CCND3: variants seen among roughly 807,000 people sequenced by gnomAD.
CCND3 encodes the protein G1/S-specific cyclin-D3.
In CCND3, 9 loss-of-function variants were observed where a neutral mutation model predicts 28.7. The ratio of observed to expected loss-of-function variants is 0.31; its 90% CI spans 0.19 to 0.55. CCND3 has a LOEUF of 0.55. CCND3 is among the 20% of genes least tolerant of loss of function. The probability of loss-of-function intolerance (pLI) is 0.93; values close to 1 mark genes in which losing one functional copy is unlikely to be tolerated. For synonymous variants in CCND3, 164 were observed against 163.9 expected, an observed-to-expected ratio of 1.00 and a Z score of 0.00; for missense variants, 315 against 385.8, an observed-to-expected ratio of 0.82 and a Z score of 1.54.
intron 1 of CCND3, among the ~76,000 whole-genome samples, chr6:41,995,912 A>G (rs1185952910): frequency 1.3e-5 from 2 of 151,656 alleles, no homozygotes; most frequent in Non-Finnish European, 2.9e-5. Flanking sequence ...AATACTAAAA[A>G]TTTTAAGTTA....
chr6:42,009,130 G>C (rs1452110960), intron 1 of CCND3, among the ~76,000 whole-genome samples: 1 of 152,186 alleles, frequency 6.6e-6, no homozygotes, highest in East Asian at 1.9e-4. Flanking sequence ...CAACTTCCTT[G>C]AGTGGACTGC....
chr6:42,041,418 C>G (rs1764369591), intron 1 of CCND3, among the ~76,000 whole-genome samples: 1 of 152,194 alleles, frequency 6.6e-6, no homozygotes, highest in African/African-American at 2.4e-5. Context: ...GAAGAGAAGG[C>G]CTGGAGAAAA....
At chr6:41,937,164 T>C in intron 3 of CCND3, 71 bp downstream of exon 3, 1 of 1,524,006 alleles carries the variant, frequency 6.6e-7, no homozygotes, top group Non-Finnish European at 9.1e-7. Context: ...AACCAGAATC[T>C]TCAGTTACCT....
At chr6:42,019,295 C>T (rs1763627114) in intron 1 of CCND3, among the ~76,000 whole-genome samples, 1 of 152,050 alleles carries the variant, frequency 6.6e-6, no homozygotes, top group African/African-American at 2.4e-5. Flanking sequence ...CGAGACCAGC[C>T]TGACCAACAA....
At chr6:41,946,057 G>A (rs1174089038), upstream of CCND3, among the ~76,000 whole-genome samples, 1 of 152,092 alleles carries the variant, frequency 6.6e-6, no homozygotes, top group Non-Finnish European at 1.5e-5. Context: ...CTAGCGTATG[G>A]AGAGGACCCT....
chr6:41,996,549 T>G (rs1762812101), intron 1 of CCND3, among the ~76,000 whole-genome samples: 1 of 152,182 alleles, frequency 6.6e-6, no homozygotes. Flanking sequence ...TTGCATAGAC[T>G]GCTCACTTTT....
At chr6:41,972,638 G>A (rs1762066504) in intron 1 of CCND3, among the ~76,000 whole-genome samples, 2 of 152,124 alleles carry the variant, frequency 1.3e-5, no homozygotes, top group Admixed American at 1.3e-4. Flanking sequence ...GCACAGTACT[G>A]TGCTGAGGAC....
intron 1 of CCND3, among the ~76,000 whole-genome samples, chr6:42,013,054 C>T (rs796926037): frequency 3.3e-5 from 5 of 152,280 alleles, no homozygotes; most frequent in African/African-American, 1.2e-4. Context: ...TGATCCTGGT[C>T]CTATTGCCTG....
chr6:42,003,000 T>C (rs1210641477), intron 1 of CCND3, among the ~76,000 whole-genome samples: 2 of 149,602 alleles, frequency 1.3e-5, no homozygotes, highest in Non-Finnish European at 3.0e-5. Context: ...CTGTGTCTAC[T>C]AAAAATACAA....
At chr6:41,947,734 T>C (rs560049660) in intron 1 of CCND3, among the ~76,000 whole-genome samples, 2 of 152,166 alleles carry the variant, frequency 1.3e-5, no homozygotes, top group Non-Finnish European at 2.9e-5. Context: ...CAAAAATACA[T>C]CTCCAATCCC....
At chr6:42,024,597 T>C (rs1413838424) in intron 1 of CCND3, among the ~76,000 whole-genome samples, 1 of 151,970 alleles carries the variant, frequency 6.6e-6, no homozygotes, top group Admixed American at 6.6e-5. Flanking sequence ...AAGCATGAAG[T>C]GACATTGCGA....
At chr6:41,962,528 GA>G (rs1357502967) in intron 1 of CCND3, among the ~76,000 whole-genome samples, 1 of 152,200 alleles carries the variant, frequency 6.6e-6, no homozygotes, top group Non-Finnish European at 1.5e-5. Flanking sequence ...AAGACAGGAG[GA>G]TCGCTTGAGG....
chr6:42,011,688 G>A (rs1321115135), intron 1 of CCND3, among the ~76,000 whole-genome samples: 1 of 152,178 alleles, frequency 6.6e-6, no homozygotes, highest in Non-Finnish European at 1.5e-5. Flanking sequence ...AATTGAAGAT[G>A]CAGAGTACTG....
intron 1 of CCND3, among the ~76,000 whole-genome samples, chr6:42,043,733 T>C (rs1764440626): frequency 1.3e-5 from 2 of 152,326 alleles, no homozygotes; most frequent in Admixed American, 6.5e-5. Flanking sequence ...TTCTGGGCTC[T>C]GCCTCTGTGT....
At chr6:42,001,896 C>T (rs2127422244) in intron 1 of CCND3, among the ~76,000 whole-genome samples, 1 of 152,118 alleles carries the variant, frequency 6.6e-6, no homozygotes, top group South Asian at 2.1e-4. Flanking sequence ...GGGTGGATCA[C>T]CTGAGGTCAG....
intron 1 of CCND3, among the ~76,000 whole-genome samples, chr6:42,047,196 A>G (rs544975674): frequency 4.6e-4 from 70 of 152,352 alleles, no homozygotes; most frequent in African/African-American, 1.7e-3. Context: ...AATAACTGGC[A>G]TAGACTAGAA....
At chr6:42,004,437 ATAACTC>A (rs1431195205) in intron 1 of CCND3, among the ~76,000 whole-genome samples, 2 of 152,164 alleles carry the variant, frequency 1.3e-5, no homozygotes, top group Non-Finnish European at 2.9e-5. Context: ...TATATACAGA[ATAACTC>A]TATTTATGGC....
intron 1 of CCND3, among the ~76,000 whole-genome samples, chr6:41,965,233 C>T (rs1337227803): frequency 1.3e-5 from 2 of 152,002 alleles, no homozygotes; most frequent in East Asian, 1.9e-4. Flanking sequence ...TCACGCCTGG[C>T]TAATTTTTGT....
At chr6:42,046,547 A>G (rs747635513) in intron 1 of CCND3, among the ~76,000 whole-genome samples, 5 of 152,204 alleles carry the variant, frequency 3.3e-5, no homozygotes, top group Non-Finnish European at 7.3e-5. Context: ...TCTTGAATAT[A>G]ATCTTAGTTC....
Sources: allele counts gnomAD v4.1 joint callset (sites outside exome capture counted in the v4.1 genomes callset), GRCh38; gene constraint gnomAD v4.1.1; transcripts MANE v1.5; gene names NCBI Gene and HGNC (gene_info 2026-07-23, HGNC 2026-07-21).